The following DLGAP1 variants were observed in gnomAD, a reference collection of about 807,000 sequenced individuals.
DLGAP1 encodes the protein disks large-associated protein 1.
Under a neutral mutation model 90.8 loss-of-function variants are expected in DLGAP1, and 11 were observed. The observed-to-expected ratio is 0.12, with a 90% confidence interval of 0.08 to 0.20. The LOEUF (loss-of-function observed/expected upper bound fraction) is 0.20, where lower values mean the gene tolerates loss of function less well. Ranked by LOEUF, DLGAP1 falls within the 10% of genes least tolerant of loss-of-function variation. The pLI is 1.00. For missense variants in DLGAP1, 1,050 were observed against 1,333.8 expected, an observed-to-expected ratio of 0.79 and a Z score of 3.31; for synonymous variants, 558 against 540.7, an observed-to-expected ratio of 1.03 and a Z score of -0.44.
chr18:3,627,775 C>G (rs1321930787), intron 7 of DLGAP1, among the ~76,000 whole-genome samples: 3 of 152,034 alleles, frequency 2.0e-5, no homozygotes, highest in Non-Finnish European at 2.9e-5. Context: ...ATCCTCCTGC[C>G]TTAACCTCCC....
At chr18:3,500,519 C>T (rs1176747994) in intron 12 of DLGAP1, among the ~76,000 whole-genome samples, 1 of 152,188 alleles carries the variant, frequency 6.6e-6, no homozygotes, top group Non-Finnish European at 1.5e-5. Context: ...CTTGCCAGAG[C>T]AAGTGCCTAG....
rs1047913963 is a variant in DLGAP1 at position 3,879,859 on chromosome 18, G to A, written c.210C>T (p.Phe70=). The A allele has an allele frequency of 5.6e-6, 9 of 1,610,292 alleles. No individual in the cohort carries two copies. The African/African-American group carries it at 1.2e-4, about 21-fold the overall frequency. Residue 70 remains phenylalanine (F), a synonymous_variant, in exon 4 of 13, where the codon TTC becomes TTT. Coordinates refer to ENST00000315677, the MANE Select transcript of DLGAP1 (RefSeq NM_004746.4). The surrounding 1 kb of genome is among the most constrained non-coding windows in gnomAD (Gnocchi z 6.6). The stretch of plus-strand genomic sequence containing the variant: ...GCTGCGAGGTGTAGTGCCTGCGGGG[G>A]AAGGTGCTGCTGGCCAGCGGGTCGC... ...PFSDPLASST[F]PRRHYTSQQE... is the part of the protein sequence containing the mutation.
At chr18:3,519,901 T>C (rs77701818) in intron 10 of DLGAP1, among the ~76,000 whole-genome samples, 2,938 of 152,232 alleles carry the variant, frequency 0.019, 86 homozygotes, top group African/African-American at 0.066. Flanking sequence ...TACCCAGTCT[T>C]GAGCATTAGG....
chr18:3,604,554 A>G (rs1320473808), intron 7 of DLGAP1, among the ~76,000 whole-genome samples: 3 of 152,100 alleles, frequency 2.0e-5, no homozygotes, highest in African/African-American at 7.2e-5. Context: ...CCATCTCAGT[A>G]CACGATCCCT....
intron 1 of DLGAP1, among the ~76,000 whole-genome samples, chr18:4,380,046 C>T (rs115280280): frequency 0.019 from 2,829 of 152,158 alleles, 54 homozygotes; most frequent in African/African-American, 0.048. Flanking sequence ...AATATTATTG[C>T]TAATGTGTTG....
intron 1 of DLGAP1, chr18:4,248,501 T>C (rs1271630421): frequency 6.6e-6 from 1 of 152,166 alleles, no homozygotes; most frequent in Non-Finnish European, 1.5e-5. Context: ...CATTTTCTTA[T>C]AGAGACTGCC....
Position 3,879,367 on chromosome 18 carries a change from C to A in DLGAP1, c.702G>T (p.Gln234His), listed in dbSNP as rs753212058. Reference sequence around the variant, plus strand: ...TGGTGTTGTAGGCCTCCAGGAAGTACTGTGAGGCCGAGCGGTCGGGGCACC... The same window carrying A: ...TGGTGTTGTAGGCCTCCAGGAAGTAATGTGAGGCCGAGCGGTCGGGGCACC... ...MGRCPDRSAS[Q>H]YFLEAYNTIS... The change falls in exon 4 of 13, where the codon CAG becomes CAT. Residue 234 changes from glutamine to histidine, a missense_variant. This residue lies in a region of DLGAP1 where 485 missense variants were observed against 454.1 expected (regional missense o/e 1.07). Transcript: ENST00000315677. The surrounding 1 kb of genome is among the most constrained non-coding windows in gnomAD (Gnocchi z 6.6). The A allele has an allele frequency of 6.2e-6, 10 of 1,613,326 alleles. No individual in the cohort carries two copies. The highest frequency in any genetic ancestry group is 8.5e-6 in the Non-Finnish European group (10 of 1,179,766).
intron 1 of DLGAP1, among the ~76,000 whole-genome samples, chr18:4,244,387 A>G (rs1189502243): frequency 6.6e-6 from 1 of 152,186 alleles, no homozygotes; most frequent in African/African-American, 2.4e-5. Flanking sequence ...ATGTTTCTAG[A>G]TTTCTGATAG....
At chr18:3,959,388 C>T (rs894331) in intron 3 of DLGAP1, among the ~76,000 whole-genome samples, 34,862 of 151,922 alleles carry the variant, frequency 0.23, 4,162 homozygotes, top group African/African-American at 0.28. Context: ...CAATTGGGGC[C>T]GGGCGTGGTG....
intron 2 of DLGAP1, among the ~76,000 whole-genome samples, chr18:4,018,466 A>G (rs80353173): frequency 0.11 from 16,779 of 152,292 alleles, 975 homozygotes; most frequent in Middle Eastern, 0.19. Flanking sequence ...AGGTGCCACC[A>G]ATTCCAGCAG....
At chr18:3,892,152 CACACACACACACACA>C (rs1335178394) in intron 3 of DLGAP1, 1 of 143,252 alleles carries the variant, frequency 7.0e-6, no homozygotes, top group Non-Finnish European at 1.5e-5. Flanking sequence ...CACACACACA[CACACACACACACACA>C]GTCTTTCATA....
intron 1 of DLGAP1, among the ~76,000 whole-genome samples, chr18:4,316,798 G>C (rs2080540087): frequency 6.6e-6 from 1 of 152,116 alleles, no homozygotes; most frequent in Non-Finnish European, 1.5e-5. Context: ...CCTGAGTCCG[G>C]TTACTGACTG....
At chr18:4,423,040 T>C (rs115334574) in intron 1 of DLGAP1, among the ~76,000 whole-genome samples, 1,922 of 152,248 alleles carry the variant, frequency 0.013, 48 homozygotes, top group African/African-American at 0.044. Context: ...TTTTTATTTA[T>C]ATATACCTCA....
intron 2 of DLGAP1, among the ~76,000 whole-genome samples, chr18:4,013,225 G>A (rs975875110): frequency 1.1e-4 from 17 of 152,048 alleles, no homozygotes; most frequent in African/African-American, 3.4e-4. Context: ...ATTGTTTGCC[G>A]GGTACTATTA....
At chr18:4,006,546 G>A (rs1028759114) in intron 2 of DLGAP1, among the ~76,000 whole-genome samples, 4 of 152,134 alleles carry the variant, frequency 2.6e-5, no homozygotes, top group Non-Finnish European at 5.9e-5. Flanking sequence ...CACAGTTGGA[G>A]GAGGGTTAAT....
intron 9 of DLGAP1, among the ~76,000 whole-genome samples, chr18:3,548,728 T>G (rs1031981824): frequency 6.6e-6 from 1 of 152,172 alleles, no homozygotes; most frequent in Non-Finnish European, 1.5e-5. Flanking sequence ...ATGTCCATAT[T>G]CATGACTTCT....
At position 4,379,558 on chromosome 18, in the gene DLGAP1, C is replaced by T. The variant is rs141704829; in HGVS notation, c.-267+75448G>A. Among the ~76,000 whole-genome samples the T allele has an allele frequency of 1.3e-4, 20 of 152,200 alleles. No homozygotes were observed. The East Asian group carries it at 3.9e-3, about 29-fold the overall frequency. On this transcript the variant is annotated intron_variant, in intron 1 of 12. Transcript: ENST00000315677. Reference sequence around the variant, plus strand: ...ATGATGCCAACTCATACCAATCATTCCTGAATACATCACACAAAATCTGCA... The same window carrying T: ...ATGATGCCAACTCATACCAATCATTTCTGAATACATCACACAAAATCTGCA...
rs1432698432 is a variant in DLGAP1, at chr18:3,990,157, C to T, written c.-73+14959G>A. On this transcript the variant is annotated intron_variant, in intron 3 of 12. Transcript: ENST00000315677. Reference sequence around the variant, plus strand: ...GGTATATACCCAAAGGATTATAAATCATGCTGCTATAAAGACACATGCACG... The same window carrying T: ...GGTATATACCCAAAGGATTATAAATTATGCTGCTATAAAGACACATGCACG... Among the ~76,000 whole-genome samples, 694 of 152,282 alleles carry T rather than the reference C, an allele frequency of 4.6e-3. 9 individuals carry two copies. Among genetic ancestry groups the T allele is most frequent in the Non-Finnish European group, 3.3e-3 (223 of 68,030 alleles).
chr18:3,827,554 G>T (rs1205613435), intron 4 of DLGAP1, among the ~76,000 whole-genome samples: 1 of 152,194 alleles, frequency 6.6e-6, no homozygotes, highest in Non-Finnish European at 1.5e-5. Flanking sequence ...TTCCCAGCAA[G>T]ATGCAAACTT....
Sources: gnomAD v4.1 joint callset for allele counts (sites outside exome capture counted in the v4.1 genomes callset) on GRCh38, gnomAD v4.1.1 for gene constraint, gnomAD v4.1.1 regional missense constraint, Gnocchi (gnomAD v3.1) non-coding constraint, MANE v1.5 for transcripts, NCBI Gene and HGNC (gene_info 2026-07-23, HGNC 2026-07-21) for gene names.